The following SUGCT variants were observed in gnomAD, a reference collection of about 807,000 sequenced individuals.
SUGCT encodes succinyl-CoA:glutarate-CoA transferase, also known as succinyl-CoA:glutarate CoA-transferase.
SUGCT carries 41 observed loss-of-function variants against 55.0 expected under a neutral mutation model. The observed-to-expected ratio is 0.74, with a 90% CI of 0.58 to 0.97. The LOEUF is 0.97. Among genes scored for constraint, SUGCT ranks in the 50% least tolerant of loss-of-function variants. The pLI, the probability that SUGCT is intolerant of heterozygous loss-of-function variation, is 0.00. For synonymous variants in SUGCT, 187 were observed against 200.4 expected, an observed-to-expected ratio of 0.93 and a Z score of 0.56; for missense variants, 568 against 547.8, an observed-to-expected ratio of 1.04 and a Z score of -0.37.
At chr7:41,027,463 T>G in the SUGCT span, among the ~76,000 whole-genome samples, 2 of 152,160 alleles carry the variant, frequency 1.3e-5, no homozygotes, top group African/African-American at 4.8e-5. Context: ...TTACATTGTA[T>G]TGGTAGGAGG....
chr7:40,962,098 T>C, the SUGCT span, among the ~76,000 whole-genome samples: 2 of 152,262 alleles, frequency 1.3e-5, no homozygotes, highest in Non-Finnish European at 2.9e-5. Flanking sequence ...AGAGAGCTGA[T>C]TGGTTCATTT....
chr7:40,635,106 T>C (rs2151815481), intron 12 of SUGCT, among the ~76,000 whole-genome samples: 2 of 152,070 alleles, frequency 1.3e-5, no homozygotes, highest in East Asian at 3.9e-4. Flanking sequence ...GCCAACATGG[T>C]AAAACCCTGT....
chr7:40,174,132 C>T (rs1784812048), intron 1 of SUGCT, among the ~76,000 whole-genome samples: 1 of 152,068 alleles, frequency 6.6e-6, no homozygotes, highest in South Asian at 2.1e-4. Context: ...GAGCAATTCT[C>T]CTGCCTCAGC....
chr7:40,447,125 C>T (rs777356704), intron 9 of SUGCT, among the ~76,000 whole-genome samples: 4 of 152,242 alleles, frequency 2.6e-5, no homozygotes, highest in Admixed American at 6.5e-5. Flanking sequence ...CCAGCTTCCA[C>T]TGCTTTATGC....
chr7:40,659,484 G>A (rs74442739), intron 12 of SUGCT, among the ~76,000 whole-genome samples: 3 of 152,230 alleles, frequency 2.0e-5, no homozygotes, highest in Admixed American at 2.0e-4. Context: ...AGAGACCAAG[G>A]CAAAAGCTGC....
chr7:41,015,967 A>G, the SUGCT span, among the ~76,000 whole-genome samples: 1 of 152,216 alleles, frequency 6.6e-6, no homozygotes, highest in East Asian at 1.9e-4. Context: ...CCCTATCTGC[A>G]TGGTTACTGC....
At chr7:40,647,744 G>C (rs1483218494) in intron 12 of SUGCT, among the ~76,000 whole-genome samples, 1 of 151,808 alleles carries the variant, frequency 6.6e-6, no homozygotes, top group Non-Finnish European at 1.5e-5. Context: ...CCAGCTACTC[G>C]GTAGGCTGAG....
chr7:40,508,609 A>G (rs2151545989), intron 12 of SUGCT, among the ~76,000 whole-genome samples: 1 of 152,266 alleles, frequency 6.6e-6, no homozygotes, highest in South Asian at 2.1e-4. Context: ...CTCAAATGCC[A>G]TGGACCCTCA....
intron 8 of SUGCT, among the ~76,000 whole-genome samples, chr7:40,293,003 A>T (rs993712616): frequency 2.0e-5 from 3 of 152,192 alleles, no homozygotes; most frequent in Non-Finnish European, 2.9e-5. Context: ...GATCTAGAAG[A>T]CAGGTTCAGA....
At chr7:40,933,314 A>T in the SUGCT span, among the ~76,000 whole-genome samples, 1 of 152,086 alleles carries the variant, frequency 6.6e-6, no homozygotes, top group Non-Finnish European at 1.5e-5. Context: ...TGTTAGTCTG[A>T]TGGGCTTCCC....
intron 1 of SUGCT, among the ~76,000 whole-genome samples, chr7:40,150,074 A>G (rs1012557529): frequency 4.6e-5 from 7 of 151,922 alleles, no homozygotes; most frequent in African/African-American, 1.7e-4. Flanking sequence ...ACCTGGGAAC[A>G]GAGTGAGACC....
chr7:40,545,892 CTG>C (rs1279503251), intron 12 of SUGCT, among the ~76,000 whole-genome samples: 1 of 152,174 alleles, frequency 6.6e-6, no homozygotes, highest in Admixed American at 6.5e-5. Context: ...AATGCACTCT[CTG>C]TGGGCTTATT....
chr7:40,937,659 C>G, the SUGCT span, among the ~76,000 whole-genome samples: 8 of 151,946 alleles, frequency 5.3e-5, no homozygotes, highest in Non-Finnish European at 1.5e-5. Context: ...CTATTTGTTT[C>G]TAGCAACAAT....
chr7:40,577,729 C>G (rs1796844056), intron 12 of SUGCT, among the ~76,000 whole-genome samples: 1 of 152,126 alleles, frequency 6.6e-6, no homozygotes, highest in Admixed American at 6.6e-5. Flanking sequence ...CTTCGCTTTC[C>G]AGTATACTTT....
At chr7:40,315,044 A>G (rs1364813802) in intron 8 of SUGCT, among the ~76,000 whole-genome samples, 1 of 152,150 alleles carries the variant, frequency 6.6e-6, no homozygotes, top group Non-Finnish European at 1.5e-5. Context: ...TTGAAATATT[A>G]TCTGCTTACA....
intron 7 of SUGCT, among the ~76,000 whole-genome samples, chr7:40,257,130 C>T (rs1790863562): frequency 6.6e-6 from 1 of 151,986 alleles, no homozygotes; most frequent in South Asian, 2.1e-4. Context: ...CTGCAACCTC[C>T]GCCTCATGGG....
At chr7:40,308,482 T>TATAGAAATAAACCATAATGACCAGG (rs1794954844) in intron 8 of SUGCT, among the ~76,000 whole-genome samples, 1 of 152,152 alleles carries the variant, frequency 6.6e-6, no homozygotes, top group Non-Finnish European at 1.5e-5. Context: ...ACCAGGTGAT[T>TATAGAAATAAACCATAATGACCAGG]TAATTATAGA....
At chr7:40,155,349 G>T (rs1343355851) in intron 1 of SUGCT, among the ~76,000 whole-genome samples, 2 of 148,004 alleles carry the variant, frequency 1.4e-5, no homozygotes, top group Admixed American at 1.4e-4. Flanking sequence ...CAAATTAAAA[G>T]AAATGTTTTC....
At chr7:40,482,314 TATG>T (rs1791097519) in intron 11 of SUGCT, among the ~76,000 whole-genome samples, 1 of 152,148 alleles carries the variant, frequency 6.6e-6, no homozygotes, top group Non-Finnish European at 1.5e-5. Flanking sequence ...TACAAAACAT[TATG>T]ATCATTTTTT....
Sources: gnomAD v4.1 joint callset for allele counts (sites outside exome capture counted in the v4.1 genomes callset) on GRCh38, gnomAD v4.1.1 for gene constraint, MANE v1.5 for transcripts, NCBI Gene and HGNC (gene_info 2026-07-23, HGNC 2026-07-21) for gene names.